Variants in SMAD2 observed in about 807,000 individuals in gnomAD.
SMAD2 encodes the protein SMAD family member 2.
In SMAD2, 8 loss-of-function variants were observed where a neutral mutation model predicts 64.4. The observed-to-expected ratio is 0.12, with a 90% CI of 0.07 to 0.22. SMAD2 has a LOEUF of 0.22. Ranked by LOEUF, SMAD2 falls within the 10% of genes least tolerant of loss-of-function variation. SMAD2 has a pLI of 1.00. For missense variants in SMAD2, 289 were observed against 561.2 expected, an observed-to-expected ratio of 0.51 and a Z score of 4.90; for synonymous variants, 203 against 195.8, an observed-to-expected ratio of 1.04 and a Z score of -0.31.
chr18:47,853,812 T>C (rs112525722), intron 6 of SMAD2, among the ~76,000 whole-genome samples: 2,547 of 152,136 alleles, frequency 0.017, 66 homozygotes, highest in African/African-American at 0.057. Flanking sequence ...CAGGTACAAC[T>C]AAGATAGGTC....
At chr18:47,911,993 T>C (rs1031771905) in intron 1 of SMAD2, among the ~76,000 whole-genome samples, 4 of 152,194 alleles carry the variant, frequency 2.6e-5, no homozygotes, top group Non-Finnish European at 4.4e-5. Context: ...CGTAGTATCA[T>C]GTGACACAGT....
chr18:47,832,115 A>C lies in SMAD2; in HGVS notation c.*9712T>G, dbSNP rs959053440. 4 of 152,242 alleles carry C rather than the reference A, an allele frequency of 2.6e-5. No homozygotes were observed. Among genetic ancestry groups the C allele is most frequent in the Non-Finnish European group, 5.9e-5 (4 of 68,048 alleles). The allele number at this position is 152,242 out of a possible 1,614,324, so 9.4% of individuals were successfully genotyped here. A position where few individuals can be genotyped will look rare whatever the true frequency, so the allele number is the denominator to read the frequency against. On this transcript the variant is annotated 3_prime_UTR_variant, in exon 11 of 11. Transcript: ENST00000262160. ...CAATCTATTTTGAAGAGGGAAAAAC[A>C]GAATATGCCAAGTGGGGAGACAGCC...
At chr18:47,914,685 T>G (rs189474338) in intron 1 of SMAD2, among the ~76,000 whole-genome samples, 1 of 150,184 alleles carries the variant, frequency 6.7e-6, no homozygotes, top group Admixed American at 6.7e-5. Context: ...AAAGGTCTGA[T>G]CACACGCATT....
Position 47,814,820 on chromosome 18 carries a change from C to T in SMAD2, c.*27007G>A, listed in dbSNP as rs957426192. The T allele has an allele frequency of 1.3e-5, 2 of 152,262 alleles. No homozygotes were observed. Among genetic ancestry groups the T allele is most frequent in the African/African-American group, 4.8e-5 (2 of 41,440 alleles). 9.4% of individuals were successfully genotyped at this position (152,262 alleles called of 1,614,324 possible). ...TGTTCAGTACATCCCAAAGTTCCAA[C>T]ATCATCCCTTCCCACCCACTCCAAA... On this transcript the variant is annotated 3_prime_UTR_variant, in exon 11 of 11. Transcript: ENST00000262160.
intron 2 of SMAD2, among the ~76,000 whole-genome samples, chr18:47,877,070 C>T (rs2032306680): frequency 1.3e-5 from 2 of 152,046 alleles, no homozygotes; most frequent in Admixed American, 6.6e-5. Context: ...GCAAGATTTA[C>T]TGCTGCAGTT....
chr18:47,927,027 A>G (rs1310419490), intron 1 of SMAD2, among the ~76,000 whole-genome samples: 1 of 152,172 alleles, frequency 6.6e-6, no homozygotes, highest in African/African-American at 2.4e-5. Flanking sequence ...AGGCCTTTCC[A>G]CTACATGAGA....
At chr18:47,873,145 A>G (rs564753894) in intron 2 of SMAD2, among the ~76,000 whole-genome samples, 1 of 152,264 alleles carries the variant, frequency 6.6e-6, no homozygotes, top group East Asian at 1.9e-4. Flanking sequence ...CAGGCTTACA[A>G]TGCCATTTTT....
chr18:47,916,260 G>A (rs1457456668), intron 1 of SMAD2, among the ~76,000 whole-genome samples: 1 of 152,116 alleles, frequency 6.6e-6, no homozygotes, highest in East Asian at 1.9e-4. Flanking sequence ...TAGTAGCCTT[G>A]CAAAATAATT....
At position 47,837,991 on chromosome 18, in the gene SMAD2, A is replaced by G. The variant is rs1247040864; in HGVS notation, c.*3836T>C. ...CTAACACTGAATAAATGCTGAACCTATTTAGTAGTTAAAGAAAAAAGAGAA... is the reference window on the plus strand; with the variant it reads ...CTAACACTGAATAAATGCTGAACCTGTTTAGTAGTTAAAGAAAAAAGAGAA... On this transcript the variant is annotated 3_prime_UTR_variant, in exon 11 of 11. Transcript: ENST00000262160. 8.6e-6 allele frequency: 2 copies of G among 232,664 alleles called. No homozygotes were observed. The highest frequency in any genetic ancestry group is 6.1e-5 in the East Asian group (1 of 16,472). The allele number at this position is 232,664 out of a possible 1,614,324, so 14.4% of individuals were successfully genotyped here. A position where few individuals can be genotyped will look rare whatever the true frequency, so the allele number is the denominator to read the frequency against.
At chr18:47,867,682 A>AAAACG (rs983274185) in intron 5 of SMAD2, among the ~76,000 whole-genome samples, 1 of 151,802 alleles carries the variant, frequency 6.6e-6, no homozygotes, top group Non-Finnish European at 1.5e-5. Flanking sequence ...GAAACCATAA[A>AAAACG]AAACGAAAAG....
intron 2 of SMAD2, among the ~76,000 whole-genome samples, chr18:47,874,552 A>C (rs1349781576): frequency 6.6e-6 from 1 of 152,198 alleles, no homozygotes; most frequent in Non-Finnish European, 1.5e-5. Context: ...AAAAAGGAAA[A>C]ACACAAAAGA....
At chr18:47,918,948 T>C (rs2034445351) in intron 1 of SMAD2, among the ~76,000 whole-genome samples, 1 of 151,972 alleles carries the variant, frequency 6.6e-6, no homozygotes. Flanking sequence ...AAAAAGCCCC[T>C]GAACTGAAAG....
At chr18:47,869,623 A>T (rs2031811183) in intron 3 of SMAD2, among the ~76,000 whole-genome samples, 187 bp from the exon 4 acceptor site, 1 of 152,218 alleles carries the variant, frequency 6.6e-6, no homozygotes, top group Non-Finnish European at 1.5e-5. Context: ...ATGCAGCAGC[A>T]CTAGCAGATG....
chr18:47,824,038 C>T lies in SMAD2; in HGVS notation c.*17789G>A, dbSNP rs1214750751. On this transcript the variant is annotated 3_prime_UTR_variant, in exon 11 of 11. Transcript: ENST00000262160. The stretch of plus-strand genomic sequence containing the variant: ...GTGGCTAAAAGGGTTTTAACACTGA[C>T]TTTTAGTTGCCAATCACTCCTGCCA... 1.3e-5 allele frequency: 2 copies of T among 152,228 alleles called. No homozygotes were observed. Among genetic ancestry groups the T allele is most frequent in the Non-Finnish European group, 1.5e-5 (1 of 68,046 alleles). 9.4% of individuals were successfully genotyped at this position (152,228 alleles called of 1,614,324 possible). A position where few individuals can be genotyped will look rare whatever the true frequency, so the allele number is the denominator to read the frequency against.
intron 2 of SMAD2, among the ~76,000 whole-genome samples, chr18:47,891,574 G>C (rs374102043): frequency 8.0e-5 from 12 of 150,874 alleles, no homozygotes; most frequent in Non-Finnish European, 1.8e-4. Context: ...GGAGTGCAGT[G>C]GCTGTTCACA....
chr18:47,860,051 G>C (rs1310358457), intron 6 of SMAD2, among the ~76,000 whole-genome samples: 4 of 152,024 alleles, frequency 2.6e-5, no homozygotes, highest in African/African-American at 9.7e-5. Context: ...GGGGAAGATT[G>C]CCTGAGCCTG....
At chr18:47,928,831 ATT>A (rs1356069640) in intron 1 of SMAD2, among the ~76,000 whole-genome samples, 1 of 152,228 alleles carries the variant, frequency 6.6e-6, no homozygotes, top group Non-Finnish European at 1.5e-5. Context: ...ATCACATTAC[ATT>A]AATTAAACCT....
At position 47,820,331 on chromosome 18, in the gene SMAD2, A is replaced by G. The variant is rs1373276915; in HGVS notation, c.*21496T>C. On this transcript the variant is annotated 3_prime_UTR_variant, in exon 11 of 11. Transcript: ENST00000262160. ...TAAAAATTAAGGTTAATAAGTTAAAATTTGAAAATACACAATTCCATATAC... is the reference window on the plus strand; with the variant it reads ...TAAAAATTAAGGTTAATAAGTTAAAGTTTGAAAATACACAATTCCATATAC... 1 of 152,212 alleles carries G rather than the reference A, an allele frequency of 6.6e-6. No homozygotes were observed. Among genetic ancestry groups the G allele is most frequent in the Non-Finnish European group, 1.5e-5 (1 of 68,028 alleles). The allele number at this position is 152,212 out of a possible 1,614,324, so 9.4% of individuals were successfully genotyped here.
At chr18:47,875,126 G>C (rs577084211) in intron 2 of SMAD2, among the ~76,000 whole-genome samples, 1 of 151,918 alleles carries the variant, frequency 6.6e-6, no homozygotes, top group African/African-American at 2.4e-5. Context: ...ATGAACCTTT[G>C]GTACCAATTT....
Sources: gnomAD v4.1 joint callset for allele counts (sites outside exome capture counted in the v4.1 genomes callset) on GRCh38, gnomAD v4.1.1 for gene constraint, MANE v1.5 for transcripts, NCBI Gene and HGNC (gene_info 2026-07-23, HGNC 2026-07-21) for gene names.